HEMK2: variants seen among roughly 807,000 people sequenced by gnomAD.
HEMK2 encodes the protein methyltransferase HEMK2.
the HEMK2 span, among the ~76,000 whole-genome samples, chr21:28,823,471 T>C: frequency 6.6e-6 from 1 of 152,226 alleles, no homozygotes; most frequent in Non-Finnish European, 1.5e-5. Context: ...TTTTGGCTGG[T>C]GCTTTTTGTT....
chr21:28,692,773 G>A, the HEMK2 span, among the ~76,000 whole-genome samples: 2 of 152,086 alleles, frequency 1.3e-5, no homozygotes, highest in African/African-American at 4.8e-5. Context: ...GCTGATGAAA[G>A]GATGAACAAA....
the HEMK2 span, among the ~76,000 whole-genome samples, chr21:28,602,590 C>T: frequency 0.018 from 2,699 of 152,184 alleles, 106 homozygotes; most frequent in African/African-American, 0.063. Flanking sequence ...CTGAAAAGTG[C>T]ATAGAAATCA....
At chr21:28,579,364 A>G in the HEMK2 span, among the ~76,000 whole-genome samples, 4 of 152,278 alleles carry the variant, frequency 2.6e-5, no homozygotes, top group East Asian at 5.8e-4. Flanking sequence ...TATTCTTCAA[A>G]TTCTTCTTTG....
chr21:28,752,883 C>T, the HEMK2 span, among the ~76,000 whole-genome samples: 1 of 152,224 alleles, frequency 6.6e-6, no homozygotes, highest in Non-Finnish European at 1.5e-5. Flanking sequence ...ACGGCAGAGG[C>T]CCATGGGGAT....
chr21:28,739,707 T>C, the HEMK2 span, among the ~76,000 whole-genome samples: 4 of 152,340 alleles, frequency 2.6e-5, no homozygotes, highest in African/African-American at 9.6e-5. Context: ...TATTCAAATT[T>C]AAATTAACTA....
chr21:28,819,717 T>C, the HEMK2 span, among the ~76,000 whole-genome samples: 1 of 151,754 alleles, frequency 6.6e-6, no homozygotes, highest in African/African-American at 2.4e-5. Flanking sequence ...CCTGGCTAAT[T>C]TTTTGTATTT....
the HEMK2 span, among the ~76,000 whole-genome samples, chr21:28,817,672 C>T: frequency 6.6e-6 from 1 of 152,178 alleles, no homozygotes; most frequent in Non-Finnish European, 1.5e-5. Flanking sequence ...TACCATGTAA[C>T]TGCTAATAAA....
the HEMK2 span, among the ~76,000 whole-genome samples, chr21:28,650,915 A>G: frequency 6.6e-6 from 1 of 152,174 alleles, no homozygotes; most frequent in African/African-American, 2.4e-5. Flanking sequence ...TGGAGAGACG[A>G]CAAAAAAGAA....
the HEMK2 span, among the ~76,000 whole-genome samples, chr21:28,663,761 C>T: frequency 6.6e-6 from 1 of 152,204 alleles, no homozygotes; most frequent in African/African-American, 2.4e-5. Flanking sequence ...TGATCACTCA[C>T]TTCAATGTGG....
chr21:28,596,537 C>T, the HEMK2 span, among the ~76,000 whole-genome samples: 2 of 152,094 alleles, frequency 1.3e-5, no homozygotes, highest in Admixed American at 6.6e-5. Flanking sequence ...CCAGGATATA[C>T]AGTGAAAGAG....
At chr21:28,601,727 T>C in the HEMK2 span, among the ~76,000 whole-genome samples, 2 of 144,882 alleles carry the variant, frequency 1.4e-5, no homozygotes, top group African/African-American at 5.2e-5. Flanking sequence ...CATTCACTAC[T>C]GTTTTTCTAG....
chr21:28,823,811 T>C, the HEMK2 span, among the ~76,000 whole-genome samples: 1 of 152,072 alleles, frequency 6.6e-6, no homozygotes, highest in African/African-American at 2.4e-5. Context: ...GTACCTGCCA[T>C]ATGTTAACCC....
chr21:28,748,574 T>C, the HEMK2 span, among the ~76,000 whole-genome samples: 1 of 152,200 alleles, frequency 6.6e-6, no homozygotes, highest in African/African-American at 2.4e-5. Flanking sequence ...TGGGGATTAT[T>C]GCTGTGATAT....
At chr21:28,860,816 T>C in the HEMK2 span, among the ~76,000 whole-genome samples, 1,134 of 152,296 alleles carry the variant, frequency 7.4e-3, 12 homozygotes, top group African/African-American at 0.025. Flanking sequence ...ATTTATTGAT[T>C]TGGGCCCACC....
At chr21:28,747,267 T>A in the HEMK2 span, among the ~76,000 whole-genome samples, 1 of 152,198 alleles carries the variant, frequency 6.6e-6, no homozygotes, top group South Asian at 2.1e-4. Flanking sequence ...AAGGCCCGGA[T>A]GGAGGAGCCC....
the HEMK2 span, among the ~76,000 whole-genome samples, chr21:28,652,595 T>C: frequency 2.0e-5 from 3 of 152,246 alleles, no homozygotes; most frequent in Admixed American, 6.5e-5. Context: ...AGCAGAAATA[T>C]AGAAATAAAC....
the HEMK2 span, among the ~76,000 whole-genome samples, chr21:28,863,402 A>C: frequency 9.7e-6 from 1 of 102,656 alleles, no homozygotes; most frequent in Non-Finnish European, 1.8e-5. Context: ...TACTTAATAA[A>C]CTCCCTTTTA....
the HEMK2 span, chr21:28,885,297 C>A: frequency 6.3e-7 from 1 of 1,590,068 alleles, no homozygotes; most frequent in Non-Finnish European, 8.6e-7. Context: ...CTGAAGGCGC[C>A]GCGGCCCACG....
At chr21:28,577,158 T>G in the HEMK2 span, 4 of 152,162 alleles carry the variant, frequency 2.6e-5, no homozygotes, top group African/African-American at 9.7e-5. Flanking sequence ...CTTACCTTAA[T>G]AGAAAATAAA....
Sources: allele counts gnomAD v4.1 joint callset (sites outside exome capture counted in the v4.1 genomes callset), GRCh38; gene constraint gnomAD v4.1.1; transcripts MANE v1.5; gene names NCBI Gene and HGNC (gene_info 2026-07-23, HGNC 2026-07-21).